DLGAP1: variants seen among roughly 807,000 people sequenced by gnomAD.
DLGAP1 encodes DLG associated protein 1.
In DLGAP1, 11 loss-of-function variants were observed where a neutral mutation model predicts 90.8. The ratio of observed to expected loss-of-function variants is 0.12; its 90% CI spans 0.08 to 0.20. The LOEUF is 0.20. Ranked by LOEUF, DLGAP1 falls within the 10% of genes least tolerant of loss-of-function variation. The pLI is 1.00. For missense variants in DLGAP1, 1,050 were observed against 1,333.8 expected (o/e 0.79, Z 3.31); for synonymous variants, 558 against 540.7 (o/e 1.03, Z -0.44).
At position 3,534,175 on chromosome 18, in the gene DLGAP1, A is replaced by T; in HGVS notation, c.2479+19T>A. On this transcript the variant is annotated intron_variant, in intron 10 of 12. Transcript: ENST00000315677. ...CCCAGCCCCAGGGGACGGGTGTGGC[A>T]CGTGGTGGCATTACTTACTGTCTTC... 1 of 1,603,010 alleles carries T rather than the reference A, an allele frequency of 6.2e-7. No individual in the cohort carries two copies. The highest frequency in any genetic ancestry group is 1.1e-5 in the South Asian group (1 of 88,798).
At chr18:4,299,023 G>T (rs556711228) in intron 1 of DLGAP1, among the ~76,000 whole-genome samples, 29 of 148,536 alleles carry the variant, frequency 2.0e-4, no homozygotes, top group South Asian at 2.2e-4. Flanking sequence ...ACAGCTTGCG[G>T]TGAGCCCAGA....
chr18:4,279,031 T>C (rs1221383941), intron 1 of DLGAP1, among the ~76,000 whole-genome samples: 1 of 152,238 alleles, frequency 6.6e-6, no homozygotes, highest in Non-Finnish European at 1.5e-5. Flanking sequence ...ATTTTCTGGC[T>C]GAGAGAAGCA....
chr18:4,172,443 C>T (rs1031742655), intron 1 of DLGAP1, among the ~76,000 whole-genome samples: 14 of 152,166 alleles, frequency 9.2e-5, no homozygotes, highest in Admixed American at 2.0e-4. Flanking sequence ...GTCTTGCATG[C>T]GCGTGAATAC....
intron 3 of DLGAP1, among the ~76,000 whole-genome samples, chr18:3,963,113 G>A (rs1331740685): frequency 2.6e-5 from 4 of 152,158 alleles, no homozygotes; most frequent in Non-Finnish European, 5.9e-5. Context: ...AGAGCAGGAT[G>A]GGGGAGACTG....
intron 1 of DLGAP1, among the ~76,000 whole-genome samples, chr18:4,209,936 C>A (rs2077807488): frequency 6.6e-6 from 1 of 152,208 alleles, no homozygotes. Flanking sequence ...TGCAATCTGA[C>A]TTCCACTCTA....
chr18:4,176,949 C>T (rs2077119583), intron 1 of DLGAP1, among the ~76,000 whole-genome samples: 1 of 152,130 alleles, frequency 6.6e-6, no homozygotes, highest in East Asian at 1.9e-4. Flanking sequence ...CTGTTGGCCC[C>T]AACATCAGCC....
Position 3,635,275 on chromosome 18 carries a change from C to T in DLGAP1, c.1592-53027G>A, listed in dbSNP as rs372150962. Reference sequence around the variant, plus strand: ...CCTCCCGAGTAGCTGGGACTACAGGCGCCCGCCACCACGCCCGGCTGATTT... The same window carrying T: ...CCTCCCGAGTAGCTGGGACTACAGGTGCCCGCCACCACGCCCGGCTGATTT... On this transcript the variant is annotated intron_variant, in intron 7 of 12. Coordinates refer to ENST00000315677, the MANE Select transcript of DLGAP1 (RefSeq NM_004746.4). Among the ~76,000 whole-genome samples, 61 of 152,110 alleles carry T rather than the reference C, an allele frequency of 4.0e-4. No individual in the cohort carries two copies. The South Asian group carries it at 6.6e-3, about 17-fold the overall frequency.
intron 3 of DLGAP1, among the ~76,000 whole-genome samples, chr18:3,982,076 A>G (rs2149032321): frequency 6.6e-6 from 1 of 152,306 alleles, no homozygotes; most frequent in South Asian, 2.1e-4. Context: ...AAGAAGAAAA[A>G]AAGAGGCTCT....
chr18:4,269,474 C>A (rs1201825200), intron 1 of DLGAP1, among the ~76,000 whole-genome samples: 1 of 151,672 alleles, frequency 6.6e-6, no homozygotes, highest in African/African-American at 2.4e-5. Flanking sequence ...CTGCCTCAGC[C>A]TCCCGAGTAG....
Position 3,638,319 on chromosome 18 carries a change from C to T in DLGAP1, c.1592-56071G>A, listed in dbSNP as rs191189498. 3.4e-3 allele frequency among the ~76,000 whole-genome samples: 507 copies of T among 150,704 alleles called. 4 individuals carry two copies. The highest frequency in any genetic ancestry group is 0.012 in the African/African-American group (484 of 40,906). ...CTGGAGTGCAGTGGTGCAATCATAG[C>T]TCACTGTAGCCTTGACCTCCTGAGC... On this transcript the variant is annotated intron_variant, in intron 7 of 12. Transcript: ENST00000315677.
At chr18:3,633,094 G>C (rs1389250549) in intron 7 of DLGAP1, among the ~76,000 whole-genome samples, 1 of 152,058 alleles carries the variant, frequency 6.6e-6, no homozygotes, top group African/African-American at 2.4e-5. Context: ...ACCTACTCTA[G>C]GTACCATCAA....
chr18:4,314,389 T>A (rs1242792225), intron 1 of DLGAP1, among the ~76,000 whole-genome samples: 1 of 152,090 alleles, frequency 6.6e-6, no homozygotes, highest in African/African-American at 2.4e-5. Flanking sequence ...AATCACAAAT[T>A]TGTAATTTTT....
intron 2 of DLGAP1, among the ~76,000 whole-genome samples, chr18:4,135,807 T>TTA (rs1555746658): frequency 1.0e-4 from 15 of 150,516 alleles, no homozygotes; most frequent in Admixed American, 6.6e-5. Flanking sequence ...TTTTTTTTTT[T>TTA]ACGGCTGAAT....
intron 7 of DLGAP1, among the ~76,000 whole-genome samples, chr18:3,584,275 C>T (rs1419317056): frequency 6.7e-6 from 1 of 150,188 alleles, no homozygotes; most frequent in South Asian, 2.1e-4. Flanking sequence ...CCCCAGCCCA[C>T]CCACTCTCAC....
At chr18:3,781,973 G>A (rs998121389) in intron 5 of DLGAP1, among the ~76,000 whole-genome samples, 1 of 151,908 alleles carries the variant, frequency 6.6e-6, no homozygotes, top group Non-Finnish European at 1.5e-5. Context: ...CCTTGTTGTT[G>A]TTATTGTTGT....
At chr18:3,880,664 C>T (rs541908371) in intron 3 of DLGAP1, among the ~76,000 whole-genome samples, 2 of 149,916 alleles carry the variant, frequency 1.3e-5, no homozygotes, top group African/African-American at 4.9e-5. Context: ...AAAAGGAGGC[C>T]GGGCGCGGTG....
rs11387946 is a variant in DLGAP1, at chr18:4,369,815, TAA to T, written c.-267+85189_-267+85190del. Among the ~76,000 whole-genome samples the T allele has an allele frequency of 9.8e-3, 728 of 74,648 alleles. 1 individual carries two copies. The highest frequency in any genetic ancestry group is 0.017 in the South Asian group (25 of 1,490). The allele number at this position is 74,648 out of a possible 152,430, so 49.0% of individuals were successfully genotyped here. A position where few individuals can be genotyped will look rare whatever the true frequency, so the allele number is the denominator to read the frequency against. On this transcript the variant is annotated intron_variant, in intron 1 of 12. Transcript: ENST00000315677. ...AAAGGTTGAAAGGAGAAAGTCTTAG[TAA>T]AAAAAAAAAAAAAAAAAAAAAAGGC...
At chr18:3,785,551 T>C (rs991373973) in intron 5 of DLGAP1, among the ~76,000 whole-genome samples, 2 of 152,286 alleles carry the variant, frequency 1.3e-5, no homozygotes, top group Non-Finnish European at 2.9e-5. Context: ...TAGACCATTC[T>C]TTTGAGGGGC....
At chr18:4,190,390 T>C (rs975027802) in intron 1 of DLGAP1, among the ~76,000 whole-genome samples, 4 of 152,082 alleles carry the variant, frequency 2.6e-5, no homozygotes, top group Non-Finnish European at 5.9e-5. Context: ...ATGGTTGAAG[T>C]ACAAGAAAAC....
Sources: gnomAD v4.1 joint callset for allele counts (sites outside exome capture counted in the v4.1 genomes callset) on GRCh38, gnomAD v4.1.1 for gene constraint, MANE v1.5 for transcripts, NCBI Gene and HGNC (gene_info 2026-07-23, HGNC 2026-07-21) for gene names.